The following CDH8 variants were observed in gnomAD, a reference collection of about 807,000 sequenced individuals.
CDH8 encodes cadherin-8.
In CDH8, 17 loss-of-function variants were observed where a neutral mutation model predicts 68.1. The ratio of observed to expected loss-of-function variants is 0.25; its 90% confidence interval spans 0.17 to 0.37. The LOEUF (loss-of-function observed/expected upper bound fraction) is 0.37, where lower values mean the gene tolerates loss of function less well. CDH8 is among the 10% of genes least tolerant of loss of function. The pLI, the probability that CDH8 is intolerant of heterozygous loss-of-function variation, is 1.00. For missense variants in CDH8, 763 were observed against 999.3 expected, an observed-to-expected ratio of 0.76 and a Z score of 3.19; for synonymous variants, 372 against 365.1, an observed-to-expected ratio of 1.02 and a Z score of -0.21.
At position 62,023,137 on chromosome 16, in the gene CDH8, G is replaced by C. The variant is rs1902114074; in HGVS notation, c.-199-1535C>G. On this transcript the variant is annotated intron_variant, in intron 1 of 11. Transcript: ENST00000577390. ...CCAGTGTGTGAGCAGACCTTGGCAGGCTTCAAAACTTAAACTAAACAAAAT... is the reference window on the plus strand; with the variant it reads ...CCAGTGTGTGAGCAGACCTTGGCAGCCTTCAAAACTTAAACTAAACAAAAT... Among the ~76,000 whole-genome samples, 3 of 152,206 alleles carry C rather than the reference G, an allele frequency of 2.0e-5. No homozygotes were observed. In the Middle Eastern group the frequency reaches 0.01, roughly 518 times the overall value.
chr16:62,014,041 C>A (rs1347314789), intron 2 of CDH8, among the ~76,000 whole-genome samples: 1 of 152,128 alleles, frequency 6.6e-6, no homozygotes, highest in African/African-American at 2.4e-5. Context: ...CTCACCTCAT[C>A]CCTTGGTAAG....
chr16:61,754,368 T>C (rs1164853722), intron 8 of CDH8, among the ~76,000 whole-genome samples: 1 of 152,200 alleles, frequency 6.6e-6, no homozygotes, highest in Non-Finnish European at 1.5e-5. Flanking sequence ...ATAATGATTA[T>C]TAAATCACTA....
chr16:61,680,819 A>G (rs1241970229), intron 10 of CDH8, among the ~76,000 whole-genome samples: 1 of 151,926 alleles, frequency 6.6e-6, no homozygotes, highest in Non-Finnish European at 1.5e-5. Context: ...CACCTAATAT[A>G]GCACCTAAGA....
chr16:61,872,763 TGGTTC>T (rs1963391574), intron 3 of CDH8, among the ~76,000 whole-genome samples: 1 of 152,232 alleles, frequency 6.6e-6, no homozygotes, highest in African/African-American at 2.4e-5. Flanking sequence ...GGTACTCAGA[TGGTTC>T]GGGGGACTTA....
intron 2 of CDH8, among the ~76,000 whole-genome samples, chr16:62,011,042 A>T (rs540338220): frequency 2.7e-5 from 4 of 150,942 alleles, no homozygotes; most frequent in South Asian, 2.1e-4. Context: ...AGAAAAAAAA[A>T]TAAATAAATG....
intron 10 of CDH8, among the ~76,000 whole-genome samples, chr16:61,678,902 C>T (rs964735346): frequency 6.6e-6 from 1 of 152,008 alleles, no homozygotes; most frequent in Non-Finnish European, 1.5e-5. Context: ...TGTTCATTGA[C>T]TTAGTTCTGA....
intron 10 of CDH8, among the ~76,000 whole-genome samples, chr16:61,683,589 T>C (rs887143005): frequency 6.6e-6 from 1 of 152,022 alleles, no homozygotes; most frequent in Non-Finnish European, 1.5e-5. Flanking sequence ...ATTTGAGTTC[T>C]TTAAAAGTAT....
At chr16:61,711,840 C>T (rs915820406) in intron 10 of CDH8, among the ~76,000 whole-genome samples, 10 of 151,562 alleles carry the variant, frequency 6.6e-5, no homozygotes, top group Non-Finnish European at 1.5e-4. Context: ...AGCAGCCACC[C>T]CTCTCACTTT....
chr16:61,985,602 C>G (rs529752903), intron 2 of CDH8, among the ~76,000 whole-genome samples: 1 of 152,168 alleles, frequency 6.6e-6, no homozygotes, highest in African/African-American at 2.4e-5. Flanking sequence ...AAGCGATTCT[C>G]CTGCCTCAGC....
Position 61,689,670 on chromosome 16 carries a change from A to T in CDH8, c.1654+24171T>A, listed in dbSNP as rs868210583. ...TGAAACCATCGTTTTGTAAGCCAAGATGCAATACTTACTATGTGTTCATTA... is the reference window on the plus strand; with the variant it reads ...TGAAACCATCGTTTTGTAAGCCAAGTTGCAATACTTACTATGTGTTCATTA... On this transcript the variant is annotated intron_variant, in intron 10 of 11. Coordinates refer to ENST00000577390, the MANE Select transcript of CDH8 (RefSeq NM_001796.5). 1.3e-5 allele frequency among the ~76,000 whole-genome samples: 2 copies of T among 152,082 alleles called. 1 individual carries two copies. The highest frequency in any genetic ancestry group is 4.8e-5 in the African/African-American group (2 of 41,440).
intron 3 of CDH8, among the ~76,000 whole-genome samples, chr16:61,866,869 T>A (rs1044269489): frequency 6.6e-6 from 1 of 152,210 alleles, no homozygotes; most frequent in Admixed American, 6.5e-5. Context: ...TTTATTTTTA[T>A]TTAACAAAGT....
chr16:61,761,743 C>G (rs1960475834), intron 8 of CDH8, among the ~76,000 whole-genome samples: 1 of 152,114 alleles, frequency 6.6e-6, no homozygotes, highest in South Asian at 2.1e-4. Context: ...TGGCTCATGT[C>G]TGTAATCCCA....
Position 61,739,884 on chromosome 16 carries a change from CATAT to C in CDH8, c.1415-12673_1415-12670del, listed in dbSNP as rs35095367. Reference sequence around the variant, plus strand: ...AATATAGCATTTGTACAACATATTCCATATATATATATATATATATATATATATG... The same window carrying C: ...AATATAGCATTTGTACAACATATTCCATATATATATATATATATATATATG... On this transcript the variant is annotated intron_variant, in intron 8 of 11. Coordinates refer to ENST00000577390, the MANE Select transcript of CDH8 (RefSeq NM_001796.5). 9.5e-4 allele frequency among the ~76,000 whole-genome samples: 96 copies of C among 101,408 alleles called. 1 individual carries two copies. The highest frequency in any genetic ancestry group is 0.011 in the Middle Eastern group (2 of 174). The allele number at this position is 101,408 out of a possible 152,430, so 66.5% of individuals were successfully genotyped here.
intron 3 of CDH8, among the ~76,000 whole-genome samples, chr16:61,878,912 G>A (rs1597036620): frequency 6.6e-6 from 1 of 152,216 alleles, no homozygotes; most frequent in Admixed American, 6.5e-5. Context: ...CCCCACGTGA[G>A]TTTCCATTTA....
At chr16:61,986,441 A>C (rs1965630600) in intron 2 of CDH8, among the ~76,000 whole-genome samples, 1 of 152,092 alleles carries the variant, frequency 6.6e-6, no homozygotes, top group African/African-American at 2.4e-5. Flanking sequence ...ATACCTGGTG[A>C]TAAGAAACTC....
intron 2 of CDH8, among the ~76,000 whole-genome samples, chr16:61,929,177 G>A (rs370983926): frequency 6.6e-6 from 1 of 152,162 alleles, no homozygotes; most frequent in African/African-American, 2.4e-5. Flanking sequence ...CCAAAGTGCT[G>A]GGATTACAGG....
At chr16:61,661,538 A>G (rs2142755880) in intron 10 of CDH8, among the ~76,000 whole-genome samples, 1 of 152,024 alleles carries the variant, frequency 6.6e-6, no homozygotes, top group Admixed American at 6.6e-5. Flanking sequence ...AAATTATGAA[A>G]CAAATATAAA....
chr16:61,730,242 T>C (rs1959496921), intron 8 of CDH8, among the ~76,000 whole-genome samples: 1 of 151,422 alleles, frequency 6.6e-6, no homozygotes, highest in Non-Finnish European at 1.5e-5. Flanking sequence ...ATTTTCAACA[T>C]TAAAGTAGGT....
chr16:61,653,695 C>G lies in CDH8; in HGVS notation c.2313G>C (p.Gln771His). 1 of 1,614,164 alleles carries G rather than the reference C, an allele frequency of 6.2e-7. No individual in the cohort carries two copies. The highest frequency in any genetic ancestry group is 8.5e-7 in the Non-Finnish European group (1 of 1,180,036). Residue 771 changes from glutamine to histidine, a missense_variant, in exon 12 of 12, where the codon CAG becomes CAC. By Grantham distance (24) the Gln-to-His change is conservative. Coordinates refer to ENST00000577390, the MANE Select transcript of CDH8 (RefSeq NM_001796.5). Reference sequence around the variant, plus strand: ...CCCAGTCACTGAGGTAGTCAAAATTCTGGTCTGAGTCTGATGTGGTGGACT... The same window carrying G: ...CCCAGTCACTGAGGTAGTCAAAATTGTGGTCTGAGTCTGATGTGGTGGACT... ...SLESTTSDSD[Q>H]NFDYLSDWGP...
Sources: allele counts gnomAD v4.1 joint callset (sites outside exome capture counted in the v4.1 genomes callset), GRCh38; gene constraint gnomAD v4.1.1; transcripts MANE v1.5; gene names NCBI Gene and HGNC (gene_info 2026-07-23, HGNC 2026-07-21).